COL3A1: variants seen among roughly 807,000 people sequenced by gnomAD.
COL3A1 encodes collagen type III alpha 1 chain.
A neutral mutation model predicts 200.9 loss-of-function variants in COL3A1; 46 were observed. The observed-to-expected ratio is 0.23, with a 90% CI of 0.18 to 0.29. COL3A1 has a LOEUF of 0.29. COL3A1 is among the 10% of genes least tolerant of loss of function. The probability of loss-of-function intolerance (pLI) is 1.00; values close to 1 mark genes in which losing one functional copy is unlikely to be tolerated. For missense variants in COL3A1, 1,367 were observed against 1,917.6 expected, an observed-to-expected ratio of 0.71 and a Z score of 5.36; for synonymous variants, 650 against 628.0, an observed-to-expected ratio of 1.03 and a Z score of -0.52.
chr2:188,996,303 T>TACAC lies in COL3A1; in HGVS notation c.1663-94_1663-93insCACA, dbSNP rs200204993. 0.036 allele frequency: 27,471 copies of TACAC among 772,444 alleles called. 221 individuals carry two copies. Among genetic ancestry groups the TACAC allele is most frequent in the Non-Finnish European group, 0.038 (18,385 of 479,808 alleles). 47.8% of individuals were successfully genotyped at this position (772,444 alleles called of 1,614,324 possible). On this transcript the variant is annotated intron_variant, in intron 23 of 50. Transcript: ENST00000304636. ...ATATATGTATATGTATATCTATATA[T>TACAC]ATACACACACACACACACACACACA...
chr2:188,997,438 G>A, intron 26 of COL3A1, 49 bp downstream of exon 26: 1 of 1,557,310 alleles, frequency 6.4e-7, no homozygotes, highest in Middle Eastern at 1.8e-4. Context: ...TGGAGGTGGG[G>A]CAGGAAGAAT....
At chr2:189,002,900 C>A in intron 35 of COL3A1, 55 bp from the exon 36 acceptor site, 2 of 1,241,350 alleles carry the variant, frequency 1.6e-6, no homozygotes, top group Non-Finnish European at 2.3e-6. Context: ...TAATAATAAG[C>A]CAATTGTATC....
chr2:189,007,922 G>C lies in COL3A1; in HGVS notation c.3401G>C (p.Gly1134Ala). 1 of 1,614,140 alleles carries C rather than the reference G, an allele frequency of 6.2e-7. No homozygotes were observed. Among genetic ancestry groups the C allele is most frequent in the East Asian group, 2.2e-5 (1 of 44,872 alleles). The change falls in exon 46 of 51, where the codon GGA (glycine) becomes GCA (alanine). Residue 1134 changes from glycine to alanine, a missense_variant. By Grantham distance (60) the Gly-to-Ala change is moderately conservative (BLOSUM62 0). Around this residue, in one of 5 missense-constraint regions of COL3A1, gnomAD observed 846 missense variants for 1,147.9 expected, o/e 0.74. Coordinates refer to ENST00000304636, the MANE Select transcript of COL3A1 (RefSeq NM_000090.4). Reference sequence around the variant, plus strand: ...CAGCAGGGTGCAATCGGCAGTCCAGGACCTGCAGGCCCCAGAGTAAGTAGC... The same window carrying C: ...CAGCAGGGTGCAATCGGCAGTCCAGCACCTGCAGGCCCCAGAGTAAGTAGC... ...AGQQGAIGSP[G>A]PAGPRGPVGP...
At chr2:188,979,573 C>A (rs1316633674) in intron 1 of COL3A1, among the ~76,000 whole-genome samples, 3 of 151,660 alleles carry the variant, frequency 2.0e-5, no homozygotes, top group Admixed American at 2.0e-4. Context: ...AGAGATATAA[C>A]CCTTCTTCAT....
At chr2:189,003,307 T>A in intron 36 of COL3A1, 104 bp from the exon 37 acceptor site, 1 of 1,002,328 alleles carries the variant, frequency 1.0e-6, no homozygotes, top group Non-Finnish European at 1.6e-6. Context: ...ATCTAAAAGT[T>A]ATTTTAACCT....
intron 11 of COL3A1, among the ~76,000 whole-genome samples, 143 bp from the exon 12 acceptor site, chr2:188,991,333 TTCTGGTAAATA>T (rs1688184063): frequency 6.6e-6 from 1 of 152,138 alleles, no homozygotes; most frequent in African/African-American, 2.4e-5. Flanking sequence ...AAATTGAGAT[TTCTGGTAAATA>T]AAATACTAAC....
In COL3A1 at chr2:188,994,941, A is replaced by G; in HGVS notation, c.1456-105A>G. On this transcript the variant is annotated intron_variant, in intron 20 of 50. Coordinates refer to ENST00000304636, the MANE Select transcript of COL3A1 (RefSeq NM_000090.4). The surrounding 1 kb of genome is among the most constrained non-coding windows in gnomAD (Gnocchi z 4.5). ...TTCTTAAGTTGAGTGTTCAGTGAAAATATTGTTTAAAGCATTCTATGACAT... is the reference window on the plus strand; with the variant it reads ...TTCTTAAGTTGAGTGTTCAGTGAAAGTATTGTTTAAAGCATTCTATGACAT... 4 of 1,552,526 alleles carry G rather than the reference A, an allele frequency of 2.6e-6. No individual in the cohort carries two copies. The highest frequency in any genetic ancestry group is 3.6e-6 in the Non-Finnish European group (4 of 1,124,628).
chr2:188,985,689 A>G lies in COL3A1; in HGVS notation c.358A>G (p.Asn120Asp). The G allele has an allele frequency of 6.2e-7, 1 of 1,610,452 alleles. No homozygotes were observed. The highest frequency in any genetic ancestry group is 8.5e-7 in the Non-Finnish European group (1 of 1,178,580). The change falls in exon 4 of 51, where the codon AAT becomes GAT. Residue 120 changes from asparagine to aspartate, a missense_variant. By Grantham distance (23) the Asn-to-Asp change is conservative. Around this residue, in one of 5 missense-constraint regions of COL3A1, gnomAD observed 462 missense variants for 681.4 expected, o/e 0.68. Transcript: ENST00000304636. Reference protein sequence around the residue: ...DPGPPGIPGRNGDPGIPGQPG... With the variant: ...DPGPPGIPGRDGDPGIPGQPG... ...GGGCCCTCCTGGTATTCCTGGGAGA[A>G]ATGGTGACCCTGGTATTCCAGGACA...
intron 35 of COL3A1, 110 bp downstream of exon 35, chr2:189,002,461 A>G: frequency 3.3e-6 from 3 of 922,394 alleles, no homozygotes; most frequent in African/African-American, 3.3e-5. Flanking sequence ...TTAGCTGCTC[A>G]TTCCCTATAG....
rs1402013550 is a variant in COL3A1, at chr2:188,984,660, C to T, written c.80-100C>T. The T allele has an allele frequency of 5.8e-5, 60 of 1,032,794 alleles. No individual in the cohort carries two copies. The South Asian group carries it at 6.3e-4, about 11-fold the overall frequency. The allele number at this position is 1,032,794 out of a possible 1,614,324, so 64.0% of individuals were successfully genotyped here. A position where few individuals can be genotyped will look rare whatever the true frequency, so the allele number is the denominator to read the frequency against. Reference sequence around the variant, plus strand: ...AAGGAAGAAATTATTTGTTTCAAACCTTTTCAACTTTGGCTATTGTTAATA... The same window carrying T: ...AAGGAAGAAATTATTTGTTTCAAACTTTTTCAACTTTGGCTATTGTTAATA... On this transcript the variant is annotated intron_variant, in intron 1 of 50. Coordinates refer to ENST00000304636, the MANE Select transcript of COL3A1 (RefSeq NM_000090.4).
chr2:189,004,877 TTAAG>T (rs1464110057), intron 40 of COL3A1, among the ~76,000 whole-genome samples: 1 of 152,320 alleles, frequency 6.6e-6, no homozygotes, highest in East Asian at 1.9e-4. Flanking sequence ...TTATGGCACT[TTAAG>T]TACTTCTTTC....
Position 188,994,969 on chromosome 2 carries a change from A to C in COL3A1, c.1456-77A>C, listed in dbSNP as rs147455414. The C allele has an allele frequency of 1.9e-5, 30 of 1,568,656 alleles. 1 individual carries two copies. The highest frequency in any genetic ancestry group is 2.5e-5 in the Non-Finnish European group (28 of 1,138,750). ...TTGTTTAAAGCATTCTATGACATAA[A>C]AATATTTGCCACTCAAGAATTATGA... On this transcript the variant is annotated intron_variant, in intron 20 of 50. Transcript: ENST00000304636. This position sits in a 1 kb window ranked among gnomAD's most constrained non-coding sequence, Gnocchi z 4.5.
intron 39 of COL3A1, 48 bp downstream of exon 39, chr2:189,004,191 T>C: frequency 1.2e-6 from 2 of 1,610,276 alleles, no homozygotes; most frequent in Non-Finnish European, 1.7e-6. Context: ...TTGATTTTTA[T>C]CACAAATCGA....
In COL3A1 at chr2:188,990,373, T is replaced by C; in HGVS notation, c.798+13T>C. 1 of 1,611,492 alleles carries C rather than the reference T, an allele frequency of 6.2e-7. No homozygotes were observed. Among genetic ancestry groups the C allele is most frequent in the South Asian group, 1.1e-5 (1 of 91,004 alleles). ...GAAAGGACACAGAGTAAGTAGAGTT[T>C]CTAAGTTGTTTACAAGGTATTCCAC... On this transcript the variant is annotated intron_variant, in intron 10 of 50. Coordinates refer to ENST00000304636, the MANE Select transcript of COL3A1 (RefSeq NM_000090.4).
chr2:188,997,506 TG>T, intron 26 of COL3A1, 117 bp downstream of exon 26: 1 of 1,231,788 alleles, frequency 8.1e-7, no homozygotes, highest in Non-Finnish European at 1.2e-6. Flanking sequence ...AAAGCAATGA[TG>T]AAACTTGCTG....
chr2:189,012,305 A>G lies in COL3A1; in HGVS notation c.*531A>G, dbSNP rs527532539. On this transcript the variant is annotated 3_prime_UTR_variant, in exon 51 of 51. Transcript: ENST00000304636. Reference sequence around the variant, plus strand: ...TCTCCTGGAAGATTGGTTTAAAAAGAAAAGTGTAATGCAAGAATTTAAAGA... The same window carrying G: ...TCTCCTGGAAGATTGGTTTAAAAAGGAAAGTGTAATGCAAGAATTTAAAGA... 1 of 152,984 alleles carries G rather than the reference A, an allele frequency of 6.5e-6. No individual in the cohort carries two copies. Among genetic ancestry groups the G allele is most frequent in the South Asian group, 2.1e-4 (1 of 4,860 alleles). 9.5% of individuals were successfully genotyped at this position (152,984 alleles called of 1,614,324 possible). A position where few individuals can be genotyped will look rare whatever the true frequency, so the allele number is the denominator to read the frequency against.
chr2:189,009,621 C>T (rs1688675676), intron 48 of COL3A1, among the ~76,000 whole-genome samples: 1 of 151,986 alleles, frequency 6.6e-6, no homozygotes, highest in Admixed American at 6.6e-5. Context: ...TGAAAAATTT[C>T]AGAATACTGT....
intron 3 of COL3A1, 129 bp from the exon 4 acceptor site, chr2:188,985,536 A>G (rs1054241232): frequency 1.2e-5 from 8 of 683,530 alleles, no homozygotes; most frequent in African/African-American, 1.8e-5. Context: ...ATTAAAAAGT[A>G]TGTGTTATAA....
rs41263773 is a variant in COL3A1, at chr2:188,999,297, G to A, written c.2035G>A (p.Ala679Thr). The A allele has an allele frequency of 7.3e-3, 11,465 of 1,576,684 alleles. 59 individuals carry two copies. The highest frequency in any genetic ancestry group is 8.8e-3 in the Non-Finnish European group (10,179 of 1,160,122). Residue 679 changes from alanine to threonine, a missense_variant, in exon 30 of 51, where the codon GCC (alanine) becomes ACC (threonine). Physicochemically the swap from Ala to Thr is moderately conservative, Grantham distance 58 (BLOSUM62 0). Around this residue, in one of 5 missense-constraint regions of COL3A1, gnomAD observed 846 missense variants for 1,147.9 expected, o/e 0.74. Coordinates refer to ENST00000304636, the MANE Select transcript of COL3A1 (RefSeq NM_000090.4). ...GAPGGKGDAG[A>T]PGERGPPGLA... Reference sequence around the variant, plus strand: ...ATTTTTGTCACAGGGTGATGCTGGTGCCCCTGGTGAACGTGGACCTCCTGG... The same window carrying A: ...ATTTTTGTCACAGGGTGATGCTGGTACCCCTGGTGAACGTGGACCTCCTGG...
Sources: allele counts gnomAD v4.1 joint callset (sites outside exome capture counted in the v4.1 genomes callset), GRCh38; gene constraint gnomAD v4.1.1; regional missense constraint gnomAD v4.1.1; non-coding constraint Gnocchi (gnomAD v3.1); transcripts MANE v1.5; gene names NCBI Gene and HGNC (gene_info 2026-07-23, HGNC 2026-07-21).